The following SUSD4 variants were observed in gnomAD, a reference collection of about 807,000 sequenced individuals.
SUSD4 encodes the protein sushi domain containing 4, also known as sushi domain-containing protein 4.
In SUSD4, 41 loss-of-function variants were observed where a neutral mutation model predicts 50.5. The observed-to-expected ratio is 0.81, with a 90% confidence interval of 0.63 to 1.05. The LOEUF is 1.05. Ranked by LOEUF, SUSD4 falls within the 50% of genes least tolerant of loss-of-function variation. The pLI is 0.00. For synonymous variants in SUSD4, 257 were observed against 257.3 expected (o/e 1.00, Z 0.01); for missense variants, 580 against 634.7 (o/e 0.91, Z 0.93).
intron 7 of SUSD4, among the ~76,000 whole-genome samples, chr1:223,224,304 T>C (rs1659345179): frequency 6.6e-6 from 1 of 152,096 alleles, no homozygotes. Context: ...ACCACTGCAC[T>C]CCAGCCTGGG....
At chr1:223,311,356 G>C (rs1665864114) in intron 2 of SUSD4, among the ~76,000 whole-genome samples, 3 of 152,206 alleles carry the variant, frequency 2.0e-5, no homozygotes, top group Admixed American at 2.0e-4. Flanking sequence ...GTTTTAGCCT[G>C]AACACTACCT....
At position 223,221,913 on chromosome 1, in the gene SUSD4, C is replaced by T. The variant is rs1167683273; in HGVS notation, c.*279G>A. 6 of 394,952 alleles carry T rather than the reference C, an allele frequency of 1.5e-5. No homozygotes were observed. Among genetic ancestry groups the T allele is most frequent in the Non-Finnish European group, 2.7e-5 (6 of 222,186 alleles). The allele number at this position is 394,952 out of a possible 1,614,324, so 24.5% of individuals were successfully genotyped here. A position where few individuals can be genotyped will look rare whatever the true frequency, so the allele number is the denominator to read the frequency against. ...TGGAATTGTCCCATGTTCCACAGCA[C>T]GATACACATTTAACACCCCTCATCC... On this transcript the variant is annotated 3_prime_UTR_variant, in exon 9 of 9. Transcript: ENST00000366878.
At chr1:223,307,545 A>G (rs1010724323) in intron 2 of SUSD4, among the ~76,000 whole-genome samples, 1 of 152,222 alleles carries the variant, frequency 6.6e-6, no homozygotes, top group African/African-American at 2.4e-5. Context: ...TTTGTAAACT[A>G]GAGTCCAGAT....
chr1:223,358,128 T>A (rs571085541), intron 2 of SUSD4, among the ~76,000 whole-genome samples: 1 of 152,346 alleles, frequency 6.6e-6, no homozygotes, highest in Non-Finnish European at 1.5e-5. Context: ...ATTTTATGCA[T>A]GCTTTTTGCA....
rs1004902487 is a variant in SUSD4, at chr1:223,229,456, G to A, written c.725-68C>T. ...CACCTTTGTCTGAAGCCCCTAAGACGAAGAATGGCCTAGGAGAACTCAGTT... is the reference window on the plus strand; with the variant it reads ...CACCTTTGTCTGAAGCCCCTAAGACAAAGAATGGCCTAGGAGAACTCAGTT... On this transcript the variant is annotated intron_variant, in intron 5 of 8. Transcript: ENST00000366878. This position sits in a 1 kb window ranked among gnomAD's most constrained non-coding sequence, Gnocchi z 4.7. 6.2e-6 allele frequency: 9 copies of A among 1,440,156 alleles called. No individual in the cohort carries two copies. Among genetic ancestry groups the A allele is most frequent in the East Asian group, 2.4e-5 (1 of 41,570 alleles). 89.2% of individuals were successfully genotyped at this position (1,440,156 alleles called of 1,614,324 possible). A position where few individuals can be genotyped will look rare whatever the true frequency, so the allele number is the denominator to read the frequency against.
At chr1:223,333,420 T>A (rs1008387376) in intron 2 of SUSD4, among the ~76,000 whole-genome samples, 2 of 151,830 alleles carry the variant, frequency 1.3e-5, no homozygotes, top group Admixed American at 1.3e-4. Context: ...CAATCAAAAA[T>A]TTTTTCTGAA....
rs1667252799 is a variant in SUSD4 at position 223,332,891 on chromosome 1, T to C, written c.148+30387A>G. Among the ~76,000 whole-genome samples the C allele has an allele frequency of 6.6e-6, 1 of 152,132 alleles. No individual in the cohort carries two copies. Among genetic ancestry groups the C allele is most frequent in the South Asian group, 2.1e-4 (1 of 4,812 alleles). On this transcript the variant is annotated intron_variant, in intron 2 of 8. Coordinates refer to ENST00000366878, the MANE Select transcript of SUSD4 (RefSeq NM_017982.4). The surrounding 1 kb of genome is among the most constrained non-coding windows in gnomAD (Gnocchi z 4.0). ...CCTTGCAATGGCCATCTTCCCATCT[T>C]CTACCATGTTCTTTCTGACGGAAGA...
intron 3 of SUSD4, among the ~76,000 whole-genome samples, chr1:223,291,488 C>CAAAAAAA (rs71572850): frequency 0.02 from 1,005 of 49,528 alleles, 162 homozygotes; most frequent in African/African-American, 0.086. Flanking sequence ...GACACTGTCT[C>CAAAAAAA]AAAAAAAAAA....
At chr1:223,265,427 C>T (rs964107290) in intron 4 of SUSD4, among the ~76,000 whole-genome samples, 2 of 152,184 alleles carry the variant, frequency 1.3e-5, no homozygotes, top group Non-Finnish European at 2.9e-5. Flanking sequence ...GAGAATGATC[C>T]GGAGGGCTTG....
intron 6 of SUSD4, among the ~76,000 whole-genome samples, chr1:223,228,139 T>C (rs1026185324): frequency 3.9e-5 from 6 of 152,154 alleles, no homozygotes; most frequent in Admixed American, 3.9e-4. Flanking sequence ...TTCTGGGATA[T>C]GCTGTGGGGT....
intron 3 of SUSD4, among the ~76,000 whole-genome samples, chr1:223,279,432 C>T (rs1450003351): frequency 6.6e-6 from 1 of 152,168 alleles, no homozygotes; most frequent in African/African-American, 2.4e-5. Context: ...AATGCACAAG[C>T]TTCAGTAGCC....
At chr1:223,311,337 T>C (rs1553303105) in intron 2 of SUSD4, among the ~76,000 whole-genome samples, 2 of 152,218 alleles carry the variant, frequency 1.3e-5, no homozygotes, top group Non-Finnish European at 1.5e-5. Context: ...ACAAATATCT[T>C]TCTCTCTGGT....
intron 5 of SUSD4, 46 bp downstream of exon 5, chr1:223,264,584 C>A: frequency 6.2e-7 from 1 of 1,605,422 alleles, no homozygotes; most frequent in Non-Finnish European, 8.5e-7. Context: ...TTCTTCCTCC[C>A]TTTAATAATA....
chr1:223,286,920 C>T (rs1246411583), intron 3 of SUSD4, among the ~76,000 whole-genome samples: 2 of 152,174 alleles, frequency 1.3e-5, no homozygotes, highest in Non-Finnish European at 2.9e-5. Flanking sequence ...ATGTTTCCCT[C>T]CACTCCATGG....
intron 2 of SUSD4, among the ~76,000 whole-genome samples, chr1:223,327,370 C>T (rs1001653123): frequency 1.2e-4 from 19 of 152,168 alleles, no homozygotes; most frequent in African/African-American, 4.6e-4. Flanking sequence ...TAAAAAACTA[C>T]ATATTAGGTA....
At chr1:223,246,924 G>A (rs535880863) in intron 5 of SUSD4, among the ~76,000 whole-genome samples, 1 of 152,312 alleles carries the variant, frequency 6.6e-6, no homozygotes, top group African/African-American at 2.4e-5. Context: ...GGCAGGGGAA[G>A]CAGAAGAATG....
At chr1:223,257,434 T>G (rs960777938) in intron 5 of SUSD4, among the ~76,000 whole-genome samples, 16 of 152,154 alleles carry the variant, frequency 1.1e-4, no homozygotes, top group African/African-American at 3.6e-4. Flanking sequence ...CAAGGCAGCC[T>G]GATGGTGCCA....
At position 223,337,814 on chromosome 1, in the gene SUSD4, G is replaced by A. The variant is rs148519154; in HGVS notation, c.148+25464C>T. Among the ~76,000 whole-genome samples the A allele has an allele frequency of 5.3e-4, 80 of 152,288 alleles. 1 individual carries two copies. The highest frequency in any genetic ancestry group is 1.2e-3 in the Admixed American group (18 of 15,302). On this transcript the variant is annotated intron_variant, in intron 2 of 8. Coordinates refer to ENST00000366878, the MANE Select transcript of SUSD4 (RefSeq NM_017982.4). ...TAGTATAAACAGAGGCAAAAACAAG[G>A]GAGGCTTAGAGGGAGAAAATGAGGC...
At chr1:223,316,958 AC>A (rs369001032) in intron 2 of SUSD4, among the ~76,000 whole-genome samples, 1 of 152,198 alleles carries the variant, frequency 6.6e-6, no homozygotes, top group East Asian at 1.9e-4. Context: ...GGCAGCGCAG[AC>A]CTTGTAAAGG....
Sources: allele counts gnomAD v4.1 joint callset (sites outside exome capture counted in the v4.1 genomes callset), GRCh38; gene constraint gnomAD v4.1.1; non-coding constraint Gnocchi (gnomAD v3.1); transcripts MANE v1.5; gene names NCBI Gene and HGNC (gene_info 2026-07-23, HGNC 2026-07-21).